Variants in SNAP91 observed in about 807,000 individuals in gnomAD.
SNAP91 encodes the protein synaptosome associated protein 91.
A neutral mutation model predicts 100.3 loss-of-function variants in SNAP91; 27 were observed. That is an observed-to-expected ratio of 0.27 (90% CI 0.20 to 0.37). The LOEUF (loss-of-function observed/expected upper bound fraction) is 0.37. Among genes scored for constraint, SNAP91 ranks in the 10% least tolerant of loss-of-function variants. The pLI is 1.00. For synonymous variants in SNAP91, 404 were observed against 398.6 expected (o/e 1.01, Z -0.16); for missense variants, 986 against 1,123.7 (o/e 0.88, Z 1.75).
chr6:83,705,842 C>T (rs531233025), intron 2 of SNAP91, among the ~76,000 whole-genome samples: 9 of 151,760 alleles, frequency 5.9e-5, no homozygotes, highest in Non-Finnish European at 1.3e-4. Context: ...AGTTAATTAC[C>T]CTCCCTGAAC....
intron 17 of SNAP91, among the ~76,000 whole-genome samples, chr6:83,594,166 T>C (rs578247336): frequency 2.0e-5 from 3 of 152,300 alleles, no homozygotes; most frequent in South Asian, 4.1e-4. Context: ...CTGACAAAAA[T>C]TGTCAATCTT....
At chr6:83,559,136 A>G (rs1783250182) in intron 28 of SNAP91, among the ~76,000 whole-genome samples, 1 of 152,160 alleles carries the variant, frequency 6.6e-6, no homozygotes, top group Admixed American at 6.6e-5. Context: ...ACAACACCTG[A>G]CAGTTTATGC....
chr6:83,604,856 A>G (rs1180803862), intron 14 of SNAP91, among the ~76,000 whole-genome samples: 1 of 152,144 alleles, frequency 6.6e-6, no homozygotes, highest in Non-Finnish European at 1.5e-5. Context: ...TCTTTGAGAC[A>G]GCTTTATCAT....
intron 5 of SNAP91, among the ~76,000 whole-genome samples, chr6:83,660,884 T>A (rs558819637): frequency 1.3e-5 from 2 of 151,766 alleles, no homozygotes; most frequent in South Asian, 4.2e-4. Context: ...GATCAAGCAA[T>A]CCTCCTGCCT....
Position 83,553,405 on chromosome 6 carries a change from G to A in SNAP91, c.*891C>T, listed in dbSNP as rs921964058. ...TACTAAAAACCCACAGTAAAGTAAA[G>A]ATATTTGCAGTAATCTTTAAATTAC... On this transcript the variant is annotated 3_prime_UTR_variant, in exon 30 of 30. Coordinates refer to ENST00000369694, the MANE Select transcript of SNAP91 (RefSeq NM_001242792.2). 6.6e-6 allele frequency: 1 copy of A among 152,110 alleles called. No homozygotes were observed. Among genetic ancestry groups the A allele is most frequent in the Non-Finnish European group, 1.5e-5 (1 of 68,028 alleles). 9.4% of individuals were successfully genotyped at this position (152,110 alleles called of 1,614,324 possible). A position where few individuals can be genotyped will look rare whatever the true frequency, so the allele number is the denominator to read the frequency against.
Position 83,658,600 on chromosome 6 carries a change from C to T in SNAP91, c.546+399G>A, listed in dbSNP as rs189540157. Among the ~76,000 whole-genome samples the T allele has an allele frequency of 1.4e-3, 215 of 151,196 alleles. 1 individual carries two copies. The highest frequency in any genetic ancestry group is 0.014 in the Middle Eastern group (4 of 292). ...CAGCCTGGGTGACAGAGTGAGACTC[C>T]GTCTCAAAAAAATAAATAAATAAAA... On this transcript the variant is annotated intron_variant, in intron 6 of 29. Transcript: ENST00000369694.
At chr6:83,592,747 G>A (rs944015089) in intron 20 of SNAP91, among the ~76,000 whole-genome samples, 199 bp downstream of exon 20, 1 of 152,180 alleles carries the variant, frequency 6.6e-6, no homozygotes, top group Admixed American at 6.5e-5. Context: ...AGAGGTTTCA[G>A]TGTGAAAAAA....
intron 2 of SNAP91, among the ~76,000 whole-genome samples, chr6:83,675,278 TAGAA>T (rs1300555230): frequency 2.0e-5 from 3 of 152,198 alleles, no homozygotes; most frequent in Non-Finnish European, 4.4e-5. Context: ...ATGCTTTAAA[TAGAA>T]AGATAATGTG....
At chr6:83,618,659 A>G (rs2096594331) in intron 9 of SNAP91, among the ~76,000 whole-genome samples, 1 of 152,004 alleles carries the variant, frequency 6.6e-6, no homozygotes, top group Admixed American at 6.6e-5. Flanking sequence ...CACATCTGAT[A>G]ACTTCAAAAT....
rs538797530 is a variant in SNAP91, at chr6:83,603,921, T to C, written c.1141+1764A>G. 2.0e-5 allele frequency among the ~76,000 whole-genome samples: 3 copies of C among 152,332 alleles called. No homozygotes were observed. In the East Asian group the frequency reaches 5.8e-4, roughly 29 times the overall value. Reference sequence around the variant, plus strand: ...TAACTTTAAAGGCTAAAATGTATTCTAATAAAATTGGTTATTACAATCAAT... The same window carrying C: ...TAACTTTAAAGGCTAAAATGTATTCCAATAAAATTGGTTATTACAATCAAT... On this transcript the variant is annotated intron_variant, in intron 14 of 29. Transcript: ENST00000369694.
chr6:83,569,152 G>A (rs1463236049), intron 26 of SNAP91, among the ~76,000 whole-genome samples: 1 of 152,106 alleles, frequency 6.6e-6, no homozygotes, highest in Non-Finnish European at 1.5e-5. Flanking sequence ...ATGCATAAGA[G>A]AGCCTGTATA....
chr6:83,676,724 T>C (rs2098909732), intron 2 of SNAP91, among the ~76,000 whole-genome samples: 1 of 152,150 alleles, frequency 6.6e-6, no homozygotes, highest in Non-Finnish European at 1.5e-5. Context: ...GGGAGTATTG[T>C]GAGTCAAGTT....
intron 22 of SNAP91, among the ~76,000 whole-genome samples, chr6:83,587,282 G>C (rs1412632441): frequency 1.3e-5 from 2 of 152,094 alleles, no homozygotes; most frequent in African/African-American, 4.8e-5. Flanking sequence ...TAGGCATGGG[G>C]TAAGAGTCCT....
chr6:83,643,531 T>C (rs1176148211), intron 7 of SNAP91, among the ~76,000 whole-genome samples: 1 of 152,212 alleles, frequency 6.6e-6, no homozygotes, highest in Admixed American at 6.5e-5. Context: ...AGGGCTCTGT[T>C]CTGTTCCATT....
intron 2 of SNAP91, among the ~76,000 whole-genome samples, chr6:83,707,107 AT>A (rs918446560): frequency 1.3e-5 from 2 of 152,216 alleles, no homozygotes; most frequent in East Asian, 3.8e-4. Flanking sequence ...AAGTACATCC[AT>A]TTTGTGACCA....
At chr6:83,569,237 ATTG>A (rs139718584) in intron 26 of SNAP91, among the ~76,000 whole-genome samples, 6,954 of 152,222 alleles carry the variant, frequency 0.046, 495 homozygotes, top group African/African-American at 0.16. Flanking sequence ...AATAGTTTCT[ATTG>A]TTCTAATTTC....
intron 26 of SNAP91, among the ~76,000 whole-genome samples, chr6:83,562,652 C>T (rs1789836744): frequency 6.6e-6 from 1 of 152,144 alleles, no homozygotes; most frequent in African/African-American, 2.4e-5. Flanking sequence ...CCTACTGTCC[C>T]CCACACTCTG....
chr6:83,679,676 G>A (rs554985332), intron 2 of SNAP91, among the ~76,000 whole-genome samples: 8 of 152,052 alleles, frequency 5.3e-5, no homozygotes, highest in Non-Finnish European at 1.2e-4. Flanking sequence ...GGGTCGCGAG[G>A]AAAGATCTTT....
intron 24 of SNAP91, among the ~76,000 whole-genome samples, chr6:83,576,731 G>A (rs964151250): frequency 3.3e-5 from 5 of 152,144 alleles, no homozygotes; most frequent in South Asian, 2.1e-4. Context: ...CTCTGCTTCC[G>A]TAATAAATCT....
Sources: allele counts gnomAD v4.1 joint callset (sites outside exome capture counted in the v4.1 genomes callset), GRCh38; gene constraint gnomAD v4.1.1; transcripts MANE v1.5; gene names NCBI Gene and HGNC (gene_info 2026-07-23, HGNC 2026-07-21).